ANO3: variants seen among roughly 807,000 people sequenced by gnomAD.
ANO3 encodes the protein anoctamin 3.
Under a neutral mutation model 144.8 loss-of-function variants are expected in ANO3, and 99 were observed. The ratio of observed to expected loss-of-function variants is 0.68; its 90% CI spans 0.58 to 0.81. The LOEUF is 0.81. Ranked by LOEUF, ANO3 falls within the 30% of genes least tolerant of loss-of-function variation. The probability of loss-of-function intolerance (pLI) is 0.00; values close to 1 mark genes in which losing one functional copy is unlikely to be tolerated. For synonymous variants in ANO3, 414 were observed against 392.6 expected (o/e 1.05, Z -0.64); for missense variants, 905 against 1,202.2 (o/e 0.75, Z 3.66).
intron 1 of ANO3, among the ~76,000 whole-genome samples, chr11:26,231,013 G>A (rs1268656297): frequency 6.6e-6 from 1 of 151,018 alleles, no homozygotes; most frequent in East Asian, 2.0e-4. Flanking sequence ...TGAGTAGCTG[G>A]GATTGCAGGT....
At chr11:26,266,367 T>C (rs1156638367) in intron 1 of ANO3, among the ~76,000 whole-genome samples, 1 of 152,124 alleles carries the variant, frequency 6.6e-6, no homozygotes, top group Non-Finnish European at 1.5e-5. Context: ...AAACGATCCA[T>C]GTAATTTTAG....
chr11:26,472,930 T>C (rs185849046), intron 4 of ANO3, among the ~76,000 whole-genome samples: 1 of 152,086 alleles, frequency 6.6e-6, no homozygotes, highest in East Asian at 1.9e-4. Context: ...CTGACACTTC[T>C]GTTTTAAAAA....
At chr11:26,456,741 C>G (rs534289988) in intron 3 of ANO3, among the ~76,000 whole-genome samples, 2 of 125,428 alleles carry the variant, frequency 1.6e-5, no homozygotes, top group African/African-American at 6.4e-5. Context: ...ACCCAAAGGA[C>G]TATAAATCAT....
At chr11:26,500,798 A>G (rs1473885052) in intron 4 of ANO3, among the ~76,000 whole-genome samples, 3 of 151,808 alleles carry the variant, frequency 2.0e-5, no homozygotes, top group African/African-American at 7.2e-5. Context: ...AAAACCACCA[A>G]AAAAAGAAAA....
chr11:26,294,174 T>C (rs934989403), intron 1 of ANO3, among the ~76,000 whole-genome samples: 2 of 152,192 alleles, frequency 1.3e-5, no homozygotes, highest in Admixed American at 6.5e-5. Context: ...TATAATCTTT[T>C]CTTGAGGGTC....
chr11:26,388,734 T>C (rs1270537714), intron 1 of ANO3, among the ~76,000 whole-genome samples: 9 of 152,160 alleles, frequency 5.9e-5, no homozygotes, highest in Non-Finnish European at 2.9e-5. Context: ...CAGAGCCACT[T>C]GAAGGCACTA....
chr11:26,267,036 C>G (rs1279497657), intron 1 of ANO3, among the ~76,000 whole-genome samples: 2 of 150,538 alleles, frequency 1.3e-5, no homozygotes, highest in African/African-American at 4.9e-5. Context: ...AGCTTGCAGT[C>G]AGCCGAGATC....
intron 1 of ANO3, among the ~76,000 whole-genome samples, chr11:26,269,121 CACAA>C (rs906645872): frequency 2.2e-4 from 34 of 152,284 alleles, no homozygotes; most frequent in African/African-American, 7.9e-4. Context: ...AACGGCTCTC[CACAA>C]ACAAGACTCA....
chr11:26,563,409 G>C (rs1850381520), intron 14 of ANO3: 9 of 677,306 alleles, frequency 1.3e-5, no homozygotes, highest in African/African-American at 1.1e-4. Flanking sequence ...GTGTGTGTGT[G>C]TGTGTGTGTG....
chr11:26,308,201 T>C (rs191105874), upstream of ANO3, among the ~76,000 whole-genome samples: 49 of 152,288 alleles, frequency 3.2e-4, no homozygotes, highest in East Asian at 9.3e-3. Context: ...GAAAAAACAA[T>C]GAAGAGACCT....
intron 1 of ANO3, among the ~76,000 whole-genome samples, chr11:26,348,515 C>G (rs754490125): frequency 5.3e-5 from 8 of 152,078 alleles, no homozygotes; most frequent in Non-Finnish European, 1.2e-4. Flanking sequence ...CTAAGTTAAG[C>G]TTAATATTAT....
At chr11:26,443,479 A>G (rs1858596864) in intron 2 of ANO3, among the ~76,000 whole-genome samples, 1 of 152,090 alleles carries the variant, frequency 6.6e-6, no homozygotes, top group Non-Finnish European at 1.5e-5. Context: ...GTGCACACCT[A>G]TAGTCCCAGC....
rs558918437 is a variant in ANO3, at chr11:26,448,294, C to T, written c.313+4458C>T. Among the ~76,000 whole-genome samples the T allele has an allele frequency of 1.5e-3, 143 of 94,166 alleles. 1 individual carries two copies. The highest frequency in any genetic ancestry group is 2.7e-3 in the Non-Finnish European group (124 of 46,160). 61.8% of individuals were successfully genotyped at this position (94,166 alleles called of 152,430 possible). On this transcript the variant is annotated intron_variant, in intron 3 of 26. Transcript: ENST00000256737. Reference sequence around the variant, plus strand: ...AGCCTGGGCAACAAAAGCGTAACTCCGTCTCAAAAAAAAAAAAAAAAGAAA... The same window carrying T: ...AGCCTGGGCAACAAAAGCGTAACTCTGTCTCAAAAAAAAAAAAAAAAGAAA...
intron 22 of ANO3, 85 bp from the exon 23 acceptor site, chr11:26,643,097 A>G (rs1248663778): frequency 8.2e-7 from 1 of 1,219,566 alleles, no homozygotes; most frequent in African/African-American, 1.5e-5. Flanking sequence ...AGGATGTTGA[A>G]AGCATTAAAA....
chr11:26,512,979 C>G (rs1036064571), intron 5 of ANO3, among the ~76,000 whole-genome samples: 1 of 152,040 alleles, frequency 6.6e-6, no homozygotes, highest in African/African-American at 2.4e-5. Context: ...GTGTCCAGCA[C>G]AGAACTAGGT....
chr11:26,553,224 G>GTTTTTTTTTTTTTT, intron 12 of ANO3, 25 bp from the exon 13 acceptor site: 3 of 1,172,130 alleles, frequency 2.6e-6, no homozygotes, highest in Non-Finnish European at 2.4e-6. Context: ...GTTTTGTTTT[G>GTTTTTTTTTTTTTT]TTTTTGTTTT....
chr11:26,373,170 A>G (rs1481353122), intron 1 of ANO3, among the ~76,000 whole-genome samples: 1 of 152,152 alleles, frequency 6.6e-6, no homozygotes, highest in African/African-American at 2.4e-5. Context: ...ATTGGTGGTT[A>G]TAGAGTAGCA....
chr11:26,511,334 A>G (rs978957280), intron 5 of ANO3, among the ~76,000 whole-genome samples: 1 of 152,218 alleles, frequency 6.6e-6, no homozygotes, highest in Non-Finnish European at 1.5e-5. Flanking sequence ...AAAAGGCCAT[A>G]GAAGCCTTAT....
At chr11:26,619,568 T>C (rs1439359537) in intron 17 of ANO3, among the ~76,000 whole-genome samples, 2 of 152,058 alleles carry the variant, frequency 1.3e-5, no homozygotes, top group African/African-American at 4.8e-5. Context: ...CTGCCTCCCA[T>C]ATTCAAGCTA....
Sources: gnomAD v4.1 joint callset for allele counts (sites outside exome capture counted in the v4.1 genomes callset) on GRCh38, gnomAD v4.1.1 for gene constraint, MANE v1.5 for transcripts, NCBI Gene and HGNC (gene_info 2026-07-23, HGNC 2026-07-21) for gene names.